The following CLIP4 variants were observed in gnomAD, a reference collection of about 807,000 sequenced individuals.
CLIP4 encodes CAP-Gly domain containing linker protein family member 4.
In CLIP4, 47 loss-of-function variants were observed where a neutral mutation model predicts 73.1. The ratio of observed to expected loss-of-function variants is 0.64; its 90% CI spans 0.51 to 0.82. The LOEUF (loss-of-function observed/expected upper bound fraction) is 0.82. CLIP4 is among the 40% of genes least tolerant of loss of function. The probability of loss-of-function intolerance (pLI) is 0.00; values close to 1 mark genes in which losing one functional copy is unlikely to be tolerated. For synonymous variants in CLIP4, 306 were observed against 295.4 expected, an observed-to-expected ratio of 1.04 and a Z score of -0.37; for missense variants, 874 against 852.9, an observed-to-expected ratio of 1.02 and a Z score of -0.31.
chr2:29,169,582 T>G (rs540037717), intron 14 of CLIP4, among the ~76,000 whole-genome samples: 29 of 152,158 alleles, frequency 1.9e-4, no homozygotes, highest in Non-Finnish European at 3.8e-4. Flanking sequence ...ATGCTGACTG[T>G]CTTTTCATAT....
At chr2:29,157,726 C>T (rs1407187602) in intron 11 of CLIP4, among the ~76,000 whole-genome samples, 2 of 152,192 alleles carry the variant, frequency 1.3e-5, no homozygotes, top group Non-Finnish European at 2.9e-5. Flanking sequence ...CCCAGGATGG[C>T]AATACCAGCC....
chr2:29,119,987 A>G (rs376115045), intron 1 of CLIP4, among the ~76,000 whole-genome samples: 108 of 152,316 alleles, frequency 7.1e-4, no homozygotes, highest in South Asian at 5.4e-3. Flanking sequence ...TGAAACATCT[A>G]GAATAGTGTC....
At chr2:29,147,088 C>T (rs1364408329) in intron 8 of CLIP4, among the ~76,000 whole-genome samples, 1 of 152,082 alleles carries the variant, frequency 6.6e-6, no homozygotes, top group Non-Finnish European at 1.5e-5. Context: ...AGTGTAATTT[C>T]CCCAAATCTT....
At chr2:29,166,754 G>A (rs180918699) in intron 13 of CLIP4, among the ~76,000 whole-genome samples, 8 of 152,140 alleles carry the variant, frequency 5.3e-5, no homozygotes, top group African/African-American at 1.9e-4. Flanking sequence ...GCAGTATGTT[G>A]TATATCATGT....
At chr2:29,128,731 T>C (rs1199793368) in intron 2 of CLIP4, among the ~76,000 whole-genome samples, 8 of 152,172 alleles carry the variant, frequency 5.3e-5, no homozygotes, top group Non-Finnish European at 1.2e-4. Flanking sequence ...AGATTCTCTC[T>C]CCCTCTTCTG....
In CLIP4 at chr2:29,156,409, T is replaced by C. The variant is rs1666927750; in HGVS notation, c.1221T>C (p.Pro407=). 1.3e-6 allele frequency: 2 copies of C among 1,589,302 alleles called. No individual in the cohort carries two copies. The highest frequency in any genetic ancestry group is 1.9e-5 in the Admixed American group (1 of 51,650). ...CTGAGTCAACACTTTCATTGCCTCC[T>C]GGTGAAGAACTTAAAACTGTGACAG... ...SASESTLSLP[P]GEELKTVTEK... is the part of the protein sequence containing the mutation. The change falls in exon 10 of 16, where the codon CCT becomes CCC. Residue 407 remains proline (P), a synonymous_variant. Coordinates refer to ENST00000320081, the MANE Select transcript of CLIP4 (RefSeq NM_024692.6).
At chr2:29,110,856 T>G (rs1268381993), upstream of CLIP4, among the ~76,000 whole-genome samples, 1 of 152,088 alleles carries the variant, frequency 6.6e-6, no homozygotes, top group East Asian at 1.9e-4. Flanking sequence ...GCCTGGCTAA[T>G]TTTTGTATTT....
Position 29,182,969 on chromosome 2 carries a change from A to G in CLIP4, c.*1076A>G, listed in dbSNP as rs1668714630. The G allele has an allele frequency of 6.6e-6, 1 of 152,602 alleles. No individual in the cohort carries two copies. The highest frequency in any genetic ancestry group is 2.4e-5 in the African/African-American group (1 of 41,452). The allele number at this position is 152,602 out of a possible 1,614,324, so 9.5% of individuals were successfully genotyped here. ...GGATTTTTTTTGTTTTGTTACTCATAGAACTGGTGTTGTTTGCTGTTTTTA... is the reference window on the plus strand; with the variant it reads ...GGATTTTTTTTGTTTTGTTACTCATGGAACTGGTGTTGTTTGCTGTTTTTA... On this transcript the variant is annotated 3_prime_UTR_variant, in exon 16 of 16. Coordinates refer to ENST00000320081, the MANE Select transcript of CLIP4 (RefSeq NM_024692.6).
chr2:29,135,679 A>G lies in CLIP4; in HGVS notation c.648+13A>G, dbSNP rs1188288618. 6.6e-7 allele frequency: 1 copy of G among 1,525,512 alleles called. No homozygotes were observed. 94.5% of individuals were successfully genotyped at this position (1,525,512 alleles called of 1,614,324 possible). A position where few individuals can be genotyped will look rare whatever the true frequency, so the allele number is the denominator to read the frequency against. On this transcript the variant is annotated intron_variant, in intron 6 of 15. Transcript: ENST00000320081. ...TCCTGCATTTAGGGTAAGAGGTTAA[A>G]TTAAAAGTGAAAAATATTAAAAGAA...
At chr2:29,135,001 T>G (rs1665246661) in intron 5 of CLIP4, among the ~76,000 whole-genome samples, 2 of 152,098 alleles carry the variant, frequency 1.3e-5, no homozygotes, top group Middle Eastern at 6.8e-3. Context: ...TACTAAATAC[T>G]TTAGACTTTT....
At chr2:29,159,221 T>A (rs1450969277) in intron 11 of CLIP4, among the ~76,000 whole-genome samples, 4 of 152,154 alleles carry the variant, frequency 2.6e-5, no homozygotes, top group Non-Finnish European at 5.9e-5. Flanking sequence ...ATTTTCCTTG[T>A]TTAGTTGCTG....
intron 11 of CLIP4, 76 bp downstream of exon 11, chr2:29,157,423 T>C (rs1666999768): frequency 6.2e-7 from 1 of 1,611,602 alleles, no homozygotes; most frequent in Non-Finnish European, 8.5e-7. Flanking sequence ...TTGCTCTTTT[T>C]AAATGTGTAG....
At chr2:29,126,781 G>T (rs568052427) in intron 2 of CLIP4, among the ~76,000 whole-genome samples, 12 of 152,234 alleles carry the variant, frequency 7.9e-5, no homozygotes, top group Non-Finnish European at 1.5e-4. Flanking sequence ...CATGAGCCAT[G>T]ATGGCGATTT....
At chr2:29,169,392 A>AGGG (rs1187774418) in intron 14 of CLIP4, among the ~76,000 whole-genome samples, 2 of 149,024 alleles carry the variant, frequency 1.3e-5, no homozygotes, top group Admixed American at 6.7e-5. Flanking sequence ...TCTCCTCATA[A>AGGG]AGACACTAGT....
chr2:29,127,429 G>A (rs534171516), intron 2 of CLIP4, among the ~76,000 whole-genome samples: 1 of 152,192 alleles, frequency 6.6e-6, no homozygotes, highest in African/African-American at 2.4e-5. Context: ...AAAAGAAAAT[G>A]TGTTTCATTT....
Position 29,183,145 on chromosome 2 carries a change from T to C in CLIP4, c.*1252T>C, listed in dbSNP as rs1668722047. 1 of 152,644 alleles carries C rather than the reference T, an allele frequency of 6.6e-6. No individual in the cohort carries two copies. The highest frequency in any genetic ancestry group is 1.5e-5 in the Non-Finnish European group (1 of 68,036). 9.5% of individuals were successfully genotyped at this position (152,644 alleles called of 1,614,324 possible). A position where few individuals can be genotyped will look rare whatever the true frequency, so the allele number is the denominator to read the frequency against. On this transcript the variant is annotated 3_prime_UTR_variant, in exon 16 of 16. Coordinates refer to ENST00000320081, the MANE Select transcript of CLIP4 (RefSeq NM_024692.6). ...TTTGCATTGTGGTTAGGTATTGAAG[T>C]TTATGTCCTGTCTGTGTAAAGATTC...
chr2:29,162,749 T>A (rs542927412), intron 12 of CLIP4, among the ~76,000 whole-genome samples: 2 of 152,310 alleles, frequency 1.3e-5, no homozygotes, highest in South Asian at 4.1e-4. Flanking sequence ...TTAGTGCAGC[T>A]TAACAATAGT....
At chr2:29,116,960 T>G (rs1391913862) in intron 1 of CLIP4, among the ~76,000 whole-genome samples, 1 of 152,260 alleles carries the variant, frequency 6.6e-6, no homozygotes, top group Non-Finnish European at 1.5e-5. Flanking sequence ...ACTAGTGATC[T>G]TTAGATTATA....
At position 29,181,754 on chromosome 2, in the gene CLIP4, G is replaced by A; in HGVS notation, c.1979G>A (p.Ser660Asn). 5 of 1,614,140 alleles carry A rather than the reference G, an allele frequency of 3.1e-6. No individual in the cohort carries two copies. Among genetic ancestry groups the A allele is most frequent in the Non-Finnish European group, 4.2e-6 (5 of 1,180,006 alleles). The change falls in exon 16 of 16, where the codon AGC (serine) becomes AAC (asparagine). Residue 660 changes from serine (S) to asparagine (N), a missense_variant. Ser to Asn is a conservative substitution (Grantham distance 46, BLOSUM62 1). Coordinates refer to ENST00000320081, the MANE Select transcript of CLIP4 (RefSeq NM_024692.6). ...ATCTGGCTTGGACTTGAGCTCCGAA[G>A]CGCCAAGGGAAAAAATGATGGGTCA... ...SGIWLGLELR[S>N]AKGKNDGSVG...
Sources: gnomAD v4.1 joint callset for allele counts (sites outside exome capture counted in the v4.1 genomes callset) on GRCh38, gnomAD v4.1.1 for gene constraint, MANE v1.5 for transcripts, NCBI Gene and HGNC (gene_info 2026-07-23, HGNC 2026-07-21) for gene names.